Variants in BLTP1 observed in about 807,000 individuals in gnomAD.
BLTP1 encodes the protein bridge-like lipid transfer protein family member 1, also known as fragile site-associated protein.
At chr4:122,188,185 G>A in the BLTP1 span, 2 of 1,230,592 alleles carry the variant, frequency 1.6e-6, no homozygotes, top group Admixed American at 4.0e-5. Context: ...GCTACAAGTT[G>A]TACAAAAATT....
chr4:122,255,230 C>T, the BLTP1 span: 3 of 1,612,970 alleles, frequency 1.9e-6, no homozygotes, highest in South Asian at 2.2e-5. Flanking sequence ...ATGTAATATA[C>T]TACACCACTA....
chr4:122,307,982 A>T, the BLTP1 span: 1 of 1,613,290 alleles, frequency 6.2e-7, no homozygotes, highest in Admixed American at 1.7e-5. Context: ...AAGGCCGCCT[A>T]TGACAACTGG....
chr4:122,337,521 T>C, the BLTP1 span, among the ~76,000 whole-genome samples: 5 of 152,134 alleles, frequency 3.3e-5, no homozygotes. Context: ...AAATTGGAGA[T>C]CATCTATATT....
chr4:122,219,636 T>G, the BLTP1 span: 2 of 1,077,086 alleles, frequency 1.9e-6, no homozygotes, highest in African/African-American at 3.2e-5. Flanking sequence ...ATGTGAAGCA[T>G]TCAGCACACA....
chr4:122,221,380 ATGTG>A, the BLTP1 span, among the ~76,000 whole-genome samples: 1 of 152,152 alleles, frequency 6.6e-6, no homozygotes, highest in South Asian at 2.1e-4. Flanking sequence ...TTGCCACAGA[ATGTG>A]TGTTTCTGGT....
the BLTP1 span, chr4:122,276,706 GCTGA>G: frequency 2.2e-6 from 2 of 894,724 alleles, no homozygotes; most frequent in Non-Finnish European, 2.7e-6. Context: ...CTACCTTCAT[GCTGA>G]CTAGGCCAAT....
the BLTP1 span, among the ~76,000 whole-genome samples, chr4:122,315,876 C>T: frequency 3.3e-5 from 5 of 152,252 alleles, no homozygotes; most frequent in East Asian, 9.6e-4. Flanking sequence ...TGTTGACTGT[C>T]ATCCAACTTG....
At chr4:122,229,589 A>T in the BLTP1 span, 1 of 391,724 alleles carries the variant, frequency 2.6e-6, no homozygotes, top group Non-Finnish European at 3.5e-6. Flanking sequence ...CTGGCTCTTG[A>T]AAACATTTGT....
chr4:122,231,213 A>T, the BLTP1 span, among the ~76,000 whole-genome samples: 2 of 152,176 alleles, frequency 1.3e-5, no homozygotes, highest in Non-Finnish European at 2.9e-5. Flanking sequence ...AAGACTTTTC[A>T]TATGCATTCC....
the BLTP1 span, chr4:122,261,189 A>G: frequency 7.1e-6 from 4 of 561,032 alleles, no homozygotes; most frequent in East Asian, 5.8e-4. Flanking sequence ...ATACTTTAAA[A>G]AGAAGACTGA....
chr4:122,324,299 T>C, the BLTP1 span: 14 of 915,456 alleles, frequency 1.5e-5, no homozygotes, highest in Non-Finnish European at 2.0e-5. Flanking sequence ...TTGACTCATA[T>C]TGTTAAGTAA....
At chr4:122,183,294 C>A in the BLTP1 span, 1 of 704,634 alleles carries the variant, frequency 1.4e-6, no homozygotes, top group Non-Finnish European at 1.7e-6. Context: ...CATGGTTGCA[C>A]CACTGCATGC....
chr4:122,200,906 A>G, the BLTP1 span: 1 of 1,468,460 alleles, frequency 6.8e-7, no homozygotes. Context: ...CAGTAGGAAA[A>G]TGTTTTAATT....
At chr4:122,251,559 T>TA in the BLTP1 span, 2 of 984,094 alleles carry the variant, frequency 2.0e-6, no homozygotes, top group Non-Finnish European at 2.4e-6. Context: ...AATTTAAAAA[T>TA]ACAATAGCTA....
chr4:122,185,206 T>G, the BLTP1 span: 1 of 982,556 alleles, frequency 1.0e-6, no homozygotes, highest in Non-Finnish European at 1.2e-6. Context: ...AAAATCAGAG[T>G]TTTGTAAACT....
the BLTP1 span, chr4:122,244,641 C>T: frequency 1.8e-4 from 178 of 982,176 alleles, 1 homozygote; most frequent in Middle Eastern, 5.2e-4. Flanking sequence ...AAAAGGGGTT[C>T]GGTGGAAACG....
At chr4:122,211,397 A>G in the BLTP1 span, among the ~76,000 whole-genome samples, 19 of 152,174 alleles carry the variant, frequency 1.2e-4, no homozygotes, top group Admixed American at 5.9e-4. Context: ...TAGCTAGGAT[A>G]GACAGATATA....
chr4:122,211,161 A>C, the BLTP1 span: 2 of 1,372,836 alleles, frequency 1.5e-6, no homozygotes, highest in Non-Finnish European at 2.0e-6. Flanking sequence ...TTTAATTGAA[A>C]ATTGAGACCG....
chr4:122,153,893 G>A, the BLTP1 span: 1 of 552,056 alleles, frequency 1.8e-6, no homozygotes, highest in Non-Finnish European at 2.3e-6. Flanking sequence ...ACAAGGAAAC[G>A]TAATATTGGA....
Sources: allele counts gnomAD v4.1 joint callset (sites outside exome capture counted in the v4.1 genomes callset), GRCh38; gene constraint gnomAD v4.1.1; transcripts MANE v1.5; gene names NCBI Gene and HGNC (gene_info 2026-07-23, HGNC 2026-07-21).